Variants in DCPH1 observed in about 807,000 individuals in gnomAD.
DCPH1 encodes damage control phosphatase 1, also known as damage-control phosphatase 1.
the DCPH1 span, among the ~76,000 whole-genome samples, chr6:151,466,273 C>A: frequency 6.6e-6 from 1 of 151,236 alleles, no homozygotes; most frequent in African/African-American, 2.4e-5. Flanking sequence ...TTAACTCTGC[C>A]TTATGCTTAG....
chr6:151,462,935 A>G, the DCPH1 span, among the ~76,000 whole-genome samples: 1 of 152,182 alleles, frequency 6.6e-6, no homozygotes, highest in Admixed American at 6.5e-5. Context: ...TTTTAGGCAT[A>G]GGGGCCATGT....
the DCPH1 span, chr6:151,469,170 A>G: frequency 2.8e-6 from 4 of 1,435,356 alleles, no homozygotes; most frequent in South Asian, 2.8e-5. Flanking sequence ...TCATCCCCAG[A>G]AAAGGAGCAC....
chr6:151,458,261 A>G, the DCPH1 span: 3 of 1,524,044 alleles, frequency 2.0e-6, no homozygotes, highest in Non-Finnish European at 2.6e-6. Context: ...CTGTAAAAAT[A>G]TGTTACCCTA....
At chr6:151,468,042 A>G in the DCPH1 span, among the ~76,000 whole-genome samples, 1 of 152,230 alleles carries the variant, frequency 6.6e-6, no homozygotes, top group Non-Finnish European at 1.5e-5. Context: ...ATGTTCTAAT[A>G]TCTGCAAGCT....
chr6:151,452,496 T>C, the DCPH1 span: 4 of 1,603,778 alleles, frequency 2.5e-6, no homozygotes, highest in African/African-American at 4.1e-5. Flanking sequence ...CCGCCTCTGT[T>C]TCTGCGGCGA....
the DCPH1 span, chr6:151,464,691 CAT>C: frequency 2.1e-5 from 20 of 949,380 alleles, no homozygotes; most frequent in Middle Eastern, 2.9e-4. Context: ...GTTAACAAAA[CAT>C]GTAAATATTT....
At chr6:151,464,360 T>C in the DCPH1 span, 1 of 788,982 alleles carries the variant, frequency 1.3e-6, no homozygotes, top group South Asian at 1.8e-5. Flanking sequence ...TAGCACTGAT[T>C]ATTGAGACTG....
the DCPH1 span, chr6:151,454,670 C>G: frequency 1.6e-6 from 2 of 1,265,798 alleles, no homozygotes; most frequent in African/African-American, 1.5e-5. Context: ...ATTGTTTTAA[C>G]TTTTAATTTT....
the DCPH1 span, chr6:151,452,742 C>T: frequency 2.0e-5 from 15 of 732,764 alleles, no homozygotes; most frequent in Non-Finnish European, 3.2e-5. Flanking sequence ...GTTTCGCGGA[C>T]TGGCTCGGAG....
chr6:151,461,205 A>G, the DCPH1 span, among the ~76,000 whole-genome samples: 1 of 152,216 alleles, frequency 6.6e-6, no homozygotes, highest in Non-Finnish European at 1.5e-5. Flanking sequence ...ACTGGGTGGC[A>G]TCTTGAGTGG....
the DCPH1 span, among the ~76,000 whole-genome samples, chr6:151,466,504 T>G: frequency 6.6e-6 from 1 of 152,172 alleles, no homozygotes; most frequent in Non-Finnish European, 1.5e-5. Flanking sequence ...TTGCCTCCAT[T>G]TGGTGTCCGC....
chr6:151,462,260 A>G, the DCPH1 span, among the ~76,000 whole-genome samples: 1 of 152,242 alleles, frequency 6.6e-6, no homozygotes, highest in South Asian at 2.1e-4. Flanking sequence ...TATGTGTTCA[A>G]GAACATACTT....
At chr6:151,466,923 T>A in the DCPH1 span, among the ~76,000 whole-genome samples, 29 of 152,060 alleles carry the variant, frequency 1.9e-4, no homozygotes, top group Non-Finnish European at 3.1e-4. Context: ...AGCCTTTTTT[T>A]TAAAAAAAAT....
the DCPH1 span, among the ~76,000 whole-genome samples, chr6:151,463,890 A>G: frequency 6.6e-6 from 1 of 152,156 alleles, no homozygotes; most frequent in Non-Finnish European, 1.5e-5. Context: ...CACATATATC[A>G]CCTTTGGTTA....
At chr6:151,469,227 G>GCTT in the DCPH1 span, 5 of 768,810 alleles carry the variant, frequency 6.5e-6, no homozygotes, top group African/African-American at 1.8e-5. Flanking sequence ...GGGAAGCTTA[G>GCTT]CTTCTTGGTG....
chr6:151,466,007 C>A, the DCPH1 span, among the ~76,000 whole-genome samples: 1 of 152,246 alleles, frequency 6.6e-6, no homozygotes, highest in South Asian at 2.1e-4. Context: ...CAACCTCCGT[C>A]TCCCGGGTTT....
At chr6:151,457,307 A>G in the DCPH1 span, among the ~76,000 whole-genome samples, 16,730 of 152,276 alleles carry the variant, frequency 0.11, 1,068 homozygotes, top group East Asian at 0.2. Flanking sequence ...GGGTTCAGTA[A>G]ATGTTTGAAT....
chr6:151,452,542 A>G, the DCPH1 span: 10 of 1,611,698 alleles, frequency 6.2e-6, no homozygotes, highest in Non-Finnish European at 8.5e-6. Flanking sequence ...GATCGCGGAA[A>G]GTGATGGCTG....
At chr6:151,456,231 T>G in the DCPH1 span, among the ~76,000 whole-genome samples, 1 of 152,222 alleles carries the variant, frequency 6.6e-6, no homozygotes, top group East Asian at 1.9e-4. Flanking sequence ...TCAGTAATCT[T>G]TCTATTACAC....
Sources: allele counts gnomAD v4.1 joint callset (sites outside exome capture counted in the v4.1 genomes callset), GRCh38; gene constraint gnomAD v4.1.1; transcripts MANE v1.5; gene names NCBI Gene and HGNC (gene_info 2026-07-23, HGNC 2026-07-21).